SGPP2: variants seen among roughly 807,000 people sequenced by gnomAD.
SGPP2 encodes the protein sphingosine 1-phosphate phosphohydrolase 2.
Under a neutral mutation model 33.9 loss-of-function variants are expected in SGPP2, and 30 were observed. That is an observed-to-expected ratio of 0.89 (90% confidence interval 0.66 to 1.20). The LOEUF (loss-of-function observed/expected upper bound fraction) is 1.20. SGPP2 is among the 50% of genes most tolerant of loss of function. SGPP2 has a pLI of 0.00. For synonymous variants in SGPP2, 233 were observed against 225.0 expected (o/e 1.04, Z -0.32); for missense variants, 458 against 532.1 (o/e 0.86, Z 1.37).
At chr2:222,428,464 G>T (rs528302256) in intron 1 of SGPP2, among the ~76,000 whole-genome samples, 1 of 152,266 alleles carries the variant, frequency 6.6e-6, no homozygotes, top group East Asian at 1.9e-4. Context: ...TTAGACTAAG[G>T]ATCATCTTTT....
intron 2 of SGPP2, among the ~76,000 whole-genome samples, chr2:222,493,869 C>A (rs1030508651): frequency 2.6e-5 from 4 of 152,158 alleles, no homozygotes; most frequent in Non-Finnish European, 5.9e-5. Flanking sequence ...AATGGAGTCA[C>A]TCATGCTAAA....
chr2:222,518,044 C>T (rs776739751), intron 2 of SGPP2, among the ~76,000 whole-genome samples: 3 of 152,192 alleles, frequency 2.0e-5, no homozygotes, highest in Non-Finnish European at 2.9e-5. Context: ...TAATACAAGG[C>T]TTGGCTCATC....
intron 1 of SGPP2, among the ~76,000 whole-genome samples, chr2:222,443,728 T>A (rs1417500769): frequency 6.6e-6 from 1 of 152,202 alleles, no homozygotes; most frequent in Non-Finnish European, 1.5e-5. Context: ...TTGGCTATAG[T>A]GAGCCTTTCA....
intron 2 of SGPP2, among the ~76,000 whole-genome samples, chr2:222,479,136 G>A (rs4674656): frequency 0.32 from 48,091 of 152,020 alleles, 8,360 homozygotes; most frequent in African/African-American, 0.46. Flanking sequence ...GATCACACTG[G>A]ATTAAATGGC....
At chr2:222,526,314 G>C (rs1698758044) in intron 4 of SGPP2, among the ~76,000 whole-genome samples, 1 of 152,192 alleles carries the variant, frequency 6.6e-6, no homozygotes, top group Non-Finnish European at 1.5e-5. Flanking sequence ...GGTGCTGCCT[G>C]GGTGAAGGCG....
chr2:222,438,348 C>G (rs1697275129), intron 1 of SGPP2, among the ~76,000 whole-genome samples: 1 of 152,230 alleles, frequency 6.6e-6, no homozygotes, highest in Non-Finnish European at 1.5e-5. Flanking sequence ...TTCTTGCTCA[C>G]TGGATCCAAT....
In SGPP2 at chr2:222,424,743, G is replaced by C; in HGVS notation, c.141G>C (p.Gly47=). 1 of 1,423,672 alleles carries C rather than the reference G, an allele frequency of 7.0e-7. No individual in the cohort carries two copies. The highest frequency in any genetic ancestry group is 9.2e-7 in the Non-Finnish European group (1 of 1,090,330). 88.2% of individuals were successfully genotyped at this position (1,423,672 alleles called of 1,614,324 possible). ...DPTERAARVP[G]VEHLPAANGK... ...CGGAGCGCGCGGCGCGGGTCCCCGG[G>C]GTCGAGCATCTCCCCGCAGCCAACG... The change falls in exon 1 of 5, where the codon GGG becomes GGC. Residue 47 remains glycine (G), a synonymous_variant. Coordinates refer to ENST00000321276, the MANE Select transcript of SGPP2 (RefSeq NM_152386.4).
chr2:222,458,320 G>A (rs2106081913), intron 1 of SGPP2, among the ~76,000 whole-genome samples: 1 of 152,126 alleles, frequency 6.6e-6, no homozygotes, highest in East Asian at 1.9e-4. Flanking sequence ...CTCCCAAAGT[G>A]TTGGGATTAC....
At chr2:222,508,105 G>A (rs1698472946) in intron 2 of SGPP2, among the ~76,000 whole-genome samples, 1 of 152,212 alleles carries the variant, frequency 6.6e-6, no homozygotes, top group South Asian at 2.1e-4. Flanking sequence ...CTATTCATTG[G>A]TGGGATGGTA....
intron 4 of SGPP2, among the ~76,000 whole-genome samples, chr2:222,553,295 T>G (rs1473980606): frequency 6.6e-6 from 1 of 152,230 alleles, no homozygotes; most frequent in Admixed American, 6.5e-5. Flanking sequence ...GCGATTAAAG[T>G]GTGCTGTACA....
chr2:222,529,660 G>A (rs535712084), intron 4 of SGPP2, among the ~76,000 whole-genome samples: 13 of 152,102 alleles, frequency 8.5e-5, no homozygotes, highest in African/African-American at 2.7e-4. Context: ...CATATCTGCC[G>A]TTACTTCCTC....
chr2:222,426,259 C>CAA (rs1697070281), intron 1 of SGPP2, among the ~76,000 whole-genome samples: 1 of 105,974 alleles, frequency 9.4e-6, no homozygotes, highest in South Asian at 3.4e-4. Context: ...AACAAACAAA[C>CAA]AAAAAACAGT....
At chr2:222,486,825 T>C (rs140781634) in intron 2 of SGPP2, among the ~76,000 whole-genome samples, 39 of 152,360 alleles carry the variant, frequency 2.6e-4, no homozygotes, top group Non-Finnish European at 3.8e-4. Context: ...CCCTTAATTA[T>C]GGTATATATT....
chr2:222,428,386 C>A (rs963707263), intron 1 of SGPP2, among the ~76,000 whole-genome samples: 1 of 152,178 alleles, frequency 6.6e-6, no homozygotes, highest in Admixed American at 6.5e-5. Context: ...ATTTTGATTT[C>A]TAACATTTTT....
intron 1 of SGPP2, among the ~76,000 whole-genome samples, chr2:222,431,847 C>A (rs977196064): frequency 3.3e-5 from 5 of 152,182 alleles, no homozygotes; most frequent in African/African-American, 1.2e-4. Context: ...CCACTTTAAC[C>A]AAATTTAGCC....
intron 4 of SGPP2, among the ~76,000 whole-genome samples, chr2:222,551,404 CAG>C (rs1287227831): frequency 1.3e-5 from 2 of 152,114 alleles, no homozygotes; most frequent in East Asian, 3.9e-4. Context: ...AGTTCAGAGA[CAG>C]ATATTTTGTG....
chr2:222,514,987 G>T (rs1574871718), intron 2 of SGPP2, among the ~76,000 whole-genome samples: 2 of 146,114 alleles, frequency 1.4e-5, no homozygotes, highest in Non-Finnish European at 1.5e-5. Context: ...GTTATTCTTT[G>T]TACATTCATC....
intron 1 of SGPP2, among the ~76,000 whole-genome samples, chr2:222,434,010 C>A (rs1697197812): frequency 6.6e-6 from 1 of 152,162 alleles, no homozygotes; most frequent in Admixed American, 6.5e-5. Context: ...TGATTAAGTC[C>A]TCTGTGGTCC....
chr2:222,472,579 T>C (rs1008849024), intron 1 of SGPP2, among the ~76,000 whole-genome samples: 1 of 152,166 alleles, frequency 6.6e-6, no homozygotes, highest in African/African-American at 2.4e-5. Context: ...GTAAGTGAAT[T>C]GTAGAAACGT....
Sources: gnomAD v4.1 joint callset for allele counts (sites outside exome capture counted in the v4.1 genomes callset) on GRCh38, gnomAD v4.1.1 for gene constraint, MANE v1.5 for transcripts, NCBI Gene and HGNC (gene_info 2026-07-23, HGNC 2026-07-21) for gene names.